WRN: variants seen among roughly 807,000 people sequenced by gnomAD.
WRN encodes the protein WRN RecQ like helicase, also known as bifunctional 3'-5' exonuclease/ATP-dependent helicase WRN.
In WRN, 149 loss-of-function variants were observed where a neutral mutation model predicts 180.7. The ratio of observed to expected loss-of-function variants is 0.82; its 90% CI spans 0.72 to 0.94. The LOEUF is 0.94. WRN is among the 40% of genes least tolerant of loss of function. The pLI is 0.00. For missense variants in WRN, 1,661 were observed against 1,700.1 expected (o/e 0.98, Z 0.40); for synonymous variants, 548 against 568.9 (o/e 0.96, Z 0.52).
rs535039162 is a variant in WRN at position 31,040,339 on chromosome 8, A to G, written c.-77+6366A>G. Among the ~76,000 whole-genome samples, 3 of 152,354 alleles carry G rather than the reference A, an allele frequency of 2.0e-5. No homozygotes were observed. In the East Asian group the frequency reaches 5.8e-4, roughly 29 times the overall value. On this transcript the variant is annotated intron_variant, in intron 1 of 34. Coordinates refer to ENST00000298139, the MANE Select transcript of WRN (RefSeq NM_000553.6). ...GGCTGTTTATATAACTTTGGAAGTC[A>G]TTAGTGTATAACAGCTAATTTAAAA... is the stretch of plus-strand genomic sequence containing the variant.
At chr8:31,167,720 AG>A (rs1403832126) in intron 34 of WRN, among the ~76,000 whole-genome samples, 1 of 152,112 alleles carries the variant, frequency 6.6e-6, no homozygotes, top group African/African-American at 2.4e-5. Context: ...GATGAGAGAA[AG>A]ATTACAAATT....
intron 15 of WRN, among the ~76,000 whole-genome samples, chr8:31,091,340 A>G (rs1209548298): frequency 6.6e-6 from 1 of 152,234 alleles, no homozygotes; most frequent in East Asian, 1.9e-4. Context: ...AAATTGATAC[A>G]TAATATCTTT....
At chr8:31,122,872 T>TTTG (rs1801777928) in intron 21 of WRN, among the ~76,000 whole-genome samples, 1 of 142,888 alleles carries the variant, frequency 7.0e-6, no homozygotes, top group African/African-American at 2.6e-5. Flanking sequence ...TTTTTTTTTT[T>TTTG]TTTTTTTTTT....
intron 18 of WRN, among the ~76,000 whole-genome samples, chr8:31,107,178 G>A (rs1801129184): frequency 6.6e-6 from 1 of 151,912 alleles, no homozygotes; most frequent in African/African-American, 2.4e-5. Flanking sequence ...GATGAACAGT[G>A]TTAGTAGTAC....
At chr8:31,128,549 C>G (rs1278349555) in intron 23 of WRN, among the ~76,000 whole-genome samples, 4 of 152,166 alleles carry the variant, frequency 2.6e-5, no homozygotes, top group Non-Finnish European at 5.9e-5. Flanking sequence ...CTCAAACATA[C>G]ATGGAATATT....
In WRN at chr8:31,174,199, G is replaced by A. The variant is rs575387805; in HGVS notation, c.*1097G>A. ...CATTGCATTACCAGAAGGTAGTGGC[G>A]CCTATTAAATATGTGATATGTTGTT... is the stretch of plus-strand genomic sequence containing the variant. On this transcript the variant is annotated 3_prime_UTR_variant, in exon 35 of 35. Coordinates refer to ENST00000298139, the MANE Select transcript of WRN (RefSeq NM_000553.6). 5.9e-5 allele frequency among the ~76,000 whole-genome samples: 9 copies of A among 152,226 alleles called. No individual in the cohort carries two copies. Among genetic ancestry groups the A allele is most frequent in the Non-Finnish European group, 1.0e-4 (7 of 68,016 alleles).
intron 33 of WRN, among the ~76,000 whole-genome samples, chr8:31,163,425 T>A: frequency 6.6e-6 from 1 of 152,240 alleles, no homozygotes; most frequent in East Asian, 1.9e-4. Flanking sequence ...AGTGTGAGGC[T>A]TAGAGAGTTA....
intron 34 of WRN, among the ~76,000 whole-genome samples, chr8:31,168,683 A>G (rs1803993717): frequency 6.6e-6 from 1 of 152,194 alleles, no homozygotes; most frequent in Non-Finnish European, 1.5e-5. Flanking sequence ...GCCTCCCTGT[A>G]TGAAAAGCTG....
At chr8:31,095,226 G>T (rs1160389419) in intron 16 of WRN, among the ~76,000 whole-genome samples, 1 of 152,010 alleles carries the variant, frequency 6.6e-6, no homozygotes, top group Admixed American at 6.6e-5. Context: ...TTGGCCATCT[G>T]TATATCTTCT....
intron 16 of WRN, among the ~76,000 whole-genome samples, chr8:31,095,337 T>G (rs1813921418): frequency 6.6e-6 from 1 of 152,212 alleles, no homozygotes. Context: ...GATATATGCT[T>G]TGCAAACATT....
chr8:31,167,721 G>T (rs1803953985), intron 34 of WRN, among the ~76,000 whole-genome samples: 1 of 152,032 alleles, frequency 6.6e-6, no homozygotes, highest in African/African-American at 2.4e-5. Context: ...ATGAGAGAAA[G>T]ATTACAAATT....
chr8:31,136,955 A>G (rs536599709), intron 24 of WRN, among the ~76,000 whole-genome samples: 2 of 152,278 alleles, frequency 1.3e-5, no homozygotes, highest in East Asian at 3.9e-4. Flanking sequence ...AACCTACAAA[A>G]TTAACTAAAC....
In WRN at chr8:31,112,593, A is replaced by G. The variant is rs2130288486; in HGVS notation, c.2273+794A>G. Among the ~76,000 whole-genome samples, 3 of 151,550 alleles carry G rather than the reference A, an allele frequency of 2.0e-5. No individual in the cohort carries two copies. The South Asian group carries it at 6.3e-4, about 32-fold the overall frequency. On this transcript the variant is annotated intron_variant, in intron 19 of 34. Coordinates refer to ENST00000298139, the MANE Select transcript of WRN (RefSeq NM_000553.6). The stretch of plus-strand genomic sequence containing the variant: ...TATATTTTACTTTTTATAAGCCTTT[A>G]TTTTACTATTTGAGACAGTGTCTTG...
chr8:31,166,906 T>C, intron 33 of WRN, 116 bp from the exon 34 acceptor site: 12 of 1,079,610 alleles, frequency 1.1e-5, no homozygotes, highest in Non-Finnish European at 1.6e-5. Flanking sequence ...AGGAAACTTT[T>C]CTTTGGCAAC....
At chr8:31,122,011 G>A (rs1328953313) in intron 21 of WRN, among the ~76,000 whole-genome samples, 2 of 151,882 alleles carry the variant, frequency 1.3e-5, no homozygotes, top group African/African-American at 4.8e-5. Context: ...AGGTACTGAG[G>A]ACATTAATAT....
At chr8:31,086,654 CTG>C (rs1430104092) in intron 11 of WRN, among the ~76,000 whole-genome samples, 5 of 151,772 alleles carry the variant, frequency 3.3e-5, no homozygotes, top group Non-Finnish European at 1.5e-5. Flanking sequence ...CAGTTAGTAT[CTG>C]TGTGACTTTG....
chr8:31,105,436 C>CGA lies in WRN; in HGVS notation c.2088+4481_2088+4482insGA, dbSNP rs1202548582. Among the ~76,000 whole-genome samples, 12 of 148,718 alleles carry CGA rather than the reference C, an allele frequency of 8.1e-5. No individual in the cohort carries two copies. The Admixed American group carries it at 8.2e-4, about 10-fold the overall frequency. On this transcript the variant is annotated intron_variant, in intron 18 of 34. Coordinates refer to ENST00000298139, the MANE Select transcript of WRN (RefSeq NM_000553.6). Reference sequence around the variant, plus strand: ...TTTGCACTCATTTTCTTGGTCATTTCACCCAACATACAGTTTTATGTTATT... The same window carrying CGA: ...TTTGCACTCATTTTCTTGGTCATTTCGAACCCAACATACAGTTTTATGTTATT...
chr8:31,076,163 T>G lies in WRN; in HGVS notation c.725-10T>G. 2 of 1,603,496 alleles carry G rather than the reference T, an allele frequency of 1.2e-6. No individual in the cohort carries two copies. Among genetic ancestry groups the G allele is most frequent in the Non-Finnish European group, 1.7e-6 (2 of 1,170,454 alleles). On this transcript the variant is annotated splice_polypyrimidine_tract_variant and intron_variant, in intron 7 of 34. Coordinates refer to ENST00000298139, the MANE Select transcript of WRN (RefSeq NM_000553.6). ...GTTTGAAAATTAATATTGATTTTTTTTCCCCCTAGAGGAAGAAATCCTACT... is the reference window on the plus strand; with the variant it reads ...GTTTGAAAATTAATATTGATTTTTTGTCCCCCTAGAGGAAGAAATCCTACT...
chr8:31,168,149 T>C (rs1803971226), intron 34 of WRN, among the ~76,000 whole-genome samples: 1 of 152,124 alleles, frequency 6.6e-6, no homozygotes, highest in Non-Finnish European at 1.5e-5. Flanking sequence ...GTATATATAG[T>C]CATGTCCTAG....
Sources: allele counts gnomAD v4.1 joint callset (sites outside exome capture counted in the v4.1 genomes callset), GRCh38; gene constraint gnomAD v4.1.1; transcripts MANE v1.5; gene names NCBI Gene and HGNC (gene_info 2026-07-23, HGNC 2026-07-21).